ABCA5: variants seen among roughly 807,000 people sequenced by gnomAD.
The protein encoded by ABCA5 is cholesterol transporter ABCA5.
In ABCA5, 163 loss-of-function variants were observed where a neutral mutation model predicts 206.0. The ratio of observed to expected loss-of-function variants is 0.79; its 90% CI spans 0.70 to 0.90. ABCA5 has a LOEUF of 0.90. ABCA5 is among the 40% of genes least tolerant of loss of function. The pLI is 0.00. For missense variants in ABCA5, 1,859 were observed against 1,912.9 expected (o/e 0.97, Z 0.53); for synonymous variants, 609 against 613.8 (o/e 0.99, Z 0.11).
intron 23 of ABCA5, among the ~76,000 whole-genome samples, chr17:69,267,197 T>C (rs1287643819): frequency 6.6e-6 from 1 of 152,140 alleles, no homozygotes; most frequent in Non-Finnish European, 1.5e-5. Context: ...TTTTAGAATT[T>C]ATTAAAATAA....
intron 21 of ABCA5, among the ~76,000 whole-genome samples, chr17:69,270,953 T>G (rs982595045): frequency 1.3e-5 from 2 of 152,190 alleles, no homozygotes; most frequent in African/African-American, 4.8e-5. Context: ...AAGCATATAA[T>G]TTTTTAAAAA....
Position 69,256,953 on chromosome 17 carries a change from G to C in ABCA5, c.3732-670C>G, listed in dbSNP as rs567289650. Among the ~76,000 whole-genome samples the C allele has an allele frequency of 2.6e-5, 4 of 152,214 alleles. No homozygotes were observed. The South Asian group carries it at 8.3e-4, about 32-fold the overall frequency. On this transcript the variant is annotated intron_variant, in intron 28 of 38. Coordinates refer to ENST00000392676, the MANE Select transcript of ABCA5 (RefSeq NM_172232.4). ...ATTGCCCAGAAAGAGTAGATGTAGAGGGTTGACATCAGAACCCACAGTAAC... is the reference window on the plus strand; with the variant it reads ...ATTGCCCAGAAAGAGTAGATGTAGACGGTTGACATCAGAACCCACAGTAAC...
intron 24 of ABCA5, among the ~76,000 whole-genome samples, chr17:69,263,406 T>C (rs1344392765): frequency 6.6e-6 from 1 of 152,198 alleles, no homozygotes; most frequent in Non-Finnish European, 1.5e-5. Flanking sequence ...ACTTTTTACA[T>C]ACGGTGAAAG....
At chr17:69,279,510 T>G (rs902906069) in intron 18 of ABCA5, among the ~76,000 whole-genome samples, 1 of 151,394 alleles carries the variant, frequency 6.6e-6, no homozygotes, top group African/African-American at 2.4e-5. Context: ...AATGCCTTTC[T>G]TCACAGAATT....
At chr17:69,287,002 G>C (rs2075462907) in intron 15 of ABCA5, among the ~76,000 whole-genome samples, 1 of 152,184 alleles carries the variant, frequency 6.6e-6, no homozygotes, top group Non-Finnish European at 1.5e-5. Flanking sequence ...ACTTGGATTT[G>C]GGAGGGTTCC....
intron 6 of ABCA5, among the ~76,000 whole-genome samples, chr17:69,305,890 A>G (rs1452563958): frequency 6.6e-6 from 1 of 152,194 alleles, no homozygotes; most frequent in South Asian, 2.1e-4. Context: ...TCCAAAACCA[A>G]TAATTTCTAA....
chr17:69,308,391 T>G, intron 4 of ABCA5, 23 bp from the exon 5 acceptor site: 1 of 1,535,482 alleles, frequency 6.5e-7, no homozygotes. Context: ...GAATATGAGA[T>G]CTAAGATTCT....
At chr17:69,308,134 T>TCTA in intron 5 of ABCA5, 146 bp downstream of exon 5, 1 of 408,118 alleles carries the variant, frequency 2.5e-6, no homozygotes, top group Non-Finnish European at 4.3e-6. Context: ...AAATATGACT[T>TCTA]TTTTATCTTT....
At chr17:69,320,906 T>C (rs564873110) in intron 1 of ABCA5, among the ~76,000 whole-genome samples, 13 of 152,320 alleles carry the variant, frequency 8.5e-5, no homozygotes, top group Non-Finnish European at 1.8e-4. Context: ...GGGAAAATAT[T>C]TGGCTTCCTT....
intron 6 of ABCA5, 71 bp downstream of exon 6, chr17:69,306,654 T>C: frequency 1.3e-6 from 1 of 765,908 alleles, no homozygotes; most frequent in Non-Finnish European, 1.8e-6. Context: ...ATATCAAAAT[T>C]ACAATTTTGA....
intron 7 of ABCA5, among the ~76,000 whole-genome samples, chr17:69,303,351 CAAGCAATCTTCTTGCCTT>C (rs1186573100): frequency 1.3e-5 from 2 of 152,104 alleles, no homozygotes; most frequent in Middle Eastern, 3.4e-3. Flanking sequence ...CTCCTTGCCT[CAAGCAATCTTCTTGCCTT>C]GCCTCCCAAA....
chr17:69,303,440 T>G (rs1416413429), intron 7 of ABCA5, among the ~76,000 whole-genome samples: 1 of 151,898 alleles, frequency 6.6e-6, no homozygotes, highest in Non-Finnish European at 1.5e-5. Flanking sequence ...TATTAAATAC[T>G]GTATTTTTAT....
At chr17:69,295,023 G>A (rs541580663) in intron 10 of ABCA5, among the ~76,000 whole-genome samples, 9 of 152,058 alleles carry the variant, frequency 5.9e-5, no homozygotes, top group East Asian at 5.8e-4. Flanking sequence ...AACATAAACC[G>A]TTGTTTAGCA....
chr17:69,244,919 T>G lies in ABCA5; in HGVS notation c.*2618A>C, dbSNP rs1399060399. On this transcript the variant is annotated 3_prime_UTR_variant, in exon 39 of 39. Transcript: ENST00000392676. Reference sequence around the variant, plus strand: ...TTATATAAGTTATATAAGTAATATATTATATATATTTTATGTAAGTTATAT... The same window carrying G: ...TTATATAAGTTATATAAGTAATATAGTATATATATTTTATGTAAGTTATAT... 3 of 149,172 alleles carry G rather than the reference T, an allele frequency of 2.0e-5. No individual in the cohort carries two copies. The Admixed American group carries it at 2.0e-4, about 10-fold the overall frequency. 9.2% of individuals were successfully genotyped at this position (149,172 alleles called of 1,614,324 possible). A position where few individuals can be genotyped will look rare whatever the true frequency, so the allele number is the denominator to read the frequency against.
rs1166819820 is a variant in ABCA5, at chr17:69,286,225, G to T, written c.2128C>A (p.Leu710Met). The change falls in exon 16 of 39, where the codon CTG (leucine) becomes ATG (methionine). Residue 710 changes from leucine (L) to methionine (M), a missense_variant. Physicochemically the swap from Leu to Met is conservative, Grantham distance 15. Coordinates refer to ENST00000392676, the MANE Select transcript of ABCA5 (RefSeq NM_172232.4). ...GTCAATAAAAATGAATGATACCTCA[G>T]GCGGTAGCCGATCCCCCATTTACTT... ...LKSKWGIGYR[L>M]SMYIDKYCAT... is the part of the protein sequence containing the mutation. 6.2e-7 allele frequency: 1 copy of T among 1,602,364 alleles called. No individual in the cohort carries two copies. Among genetic ancestry groups the T allele is most frequent in the Non-Finnish European group, 8.5e-7 (1 of 1,176,576 alleles).
At chr17:69,267,355 C>T (rs2075222445) in intron 23 of ABCA5, among the ~76,000 whole-genome samples, 1 of 152,020 alleles carries the variant, frequency 6.6e-6, no homozygotes, top group Non-Finnish European at 1.5e-5. Flanking sequence ...CTTTGAACAA[C>T]CAAAGACTGT....
At chr17:69,281,407 T>C (rs1171107168) in intron 18 of ABCA5, among the ~76,000 whole-genome samples, 1 of 152,158 alleles carries the variant, frequency 6.6e-6, no homozygotes, top group East Asian at 1.9e-4. Context: ...TTTAATTCCA[T>C]TAAGGCCACG....
rs1281737199 is a variant in ABCA5, at chr17:69,247,342, T to C, written c.*195A>G. On this transcript the variant is annotated 3_prime_UTR_variant, in exon 39 of 39. Transcript: ENST00000392676. The stretch of plus-strand genomic sequence containing the variant: ...TATACTTCAATACAAACATGCAGCT[T>C]CACTTAATTATACATACGTTTTATT... 2 of 491,800 alleles carry C rather than the reference T, an allele frequency of 4.1e-6. No individual in the cohort carries two copies. The highest frequency in any genetic ancestry group is 7.1e-6 in the Non-Finnish European group (2 of 280,514). The allele number at this position is 491,800 out of a possible 1,614,324, so 30.5% of individuals were successfully genotyped here. A position where few individuals can be genotyped will look rare whatever the true frequency, so the allele number is the denominator to read the frequency against.
At chr17:69,267,576 T>C (rs911373716) in intron 23 of ABCA5, among the ~76,000 whole-genome samples, 2 of 152,302 alleles carry the variant, frequency 1.3e-5, no homozygotes, top group East Asian at 3.9e-4. Context: ...CATGTTAGTT[T>C]GCCAGTTAAG....
Sources: gnomAD v4.1 joint callset for allele counts (sites outside exome capture counted in the v4.1 genomes callset) on GRCh38, gnomAD v4.1.1 for gene constraint, MANE v1.5 for transcripts, NCBI Gene and HGNC (gene_info 2026-07-23, HGNC 2026-07-21) for gene names.